SLC17A1: variants seen among roughly 807,000 people sequenced by gnomAD.
The protein encoded by SLC17A1 is solute carrier family 17 member 1.
In SLC17A1, 51 loss-of-function variants were observed where a neutral mutation model predicts 53.5. The observed-to-expected ratio is 0.95, with a 90% CI of 0.76 to 1.20. The LOEUF (loss-of-function observed/expected upper bound fraction) is 1.20, where lower values mean the gene tolerates loss of function less well. SLC17A1 is among the 50% of genes most tolerant of loss of function. The probability of loss-of-function intolerance (pLI) is 0.00; values close to 1 mark genes in which losing one functional copy is unlikely to be tolerated. For synonymous variants in SLC17A1, 179 were observed against 198.8 expected (o/e 0.90, Z 0.84); for missense variants, 538 against 568.2 (o/e 0.95, Z 0.54).
the SLC17A1 span, among the ~76,000 whole-genome samples, chr6:25,762,277 T>C: frequency 6.6e-6 from 1 of 152,186 alleles, no homozygotes; most frequent in Admixed American, 6.5e-5. Flanking sequence ...GCAGGTATCA[T>C]GACATTATTT....
the SLC17A1 span, chr6:25,731,983 T>C: frequency 2.5e-6 from 4 of 1,589,568 alleles, no homozygotes; most frequent in Non-Finnish European, 3.4e-6. Context: ...TTCATGATAC[T>C]CATGGCCTTG....
At chr6:25,803,206 G>C (rs1430298087) in intron 10 of SLC17A1, among the ~76,000 whole-genome samples, 1 of 151,960 alleles carries the variant, frequency 6.6e-6, no homozygotes, top group East Asian at 1.9e-4. Flanking sequence ...CAAAGTGCTG[G>C]GATTACAGGC....
At chr6:25,741,702 C>T in the SLC17A1 span, among the ~76,000 whole-genome samples, 1 of 151,566 alleles carries the variant, frequency 6.6e-6, no homozygotes, top group East Asian at 1.9e-4. Context: ...GGCGACAGAG[C>T]GAGACTCTGT....
intron 12 of SLC17A1, among the ~76,000 whole-genome samples, chr6:25,787,240 C>T (rs1331538480): frequency 1.3e-5 from 2 of 151,700 alleles, no homozygotes; most frequent in Admixed American, 1.3e-4. Context: ...GAAATTCCAG[C>T]ACTTTAGGAG....
At chr6:25,759,896 T>G in the SLC17A1 span, among the ~76,000 whole-genome samples, 1 of 152,228 alleles carries the variant, frequency 6.6e-6, no homozygotes, top group East Asian at 1.9e-4. Context: ...TATCTGCATT[T>G]AACTATGCAA....
chr6:25,773,301 C>T, the SLC17A1 span: 5 of 1,613,912 alleles, frequency 3.1e-6, no homozygotes, highest in Non-Finnish European at 4.2e-6. Context: ...TTGTTGTCCT[C>T]TCTGGTTTCC....
chr6:25,777,610 AAC>A, the SLC17A1 span: 1 of 225,228 alleles, frequency 4.4e-6, no homozygotes, highest in East Asian at 9.6e-5. Context: ...CAACAACAAA[AAC>A]CTTACAAACC....
chr6:25,787,022 C>T (rs1027974327), intron 12 of SLC17A1, among the ~76,000 whole-genome samples: 2 of 149,258 alleles, frequency 1.3e-5, no homozygotes, highest in Admixed American at 6.8e-5. Context: ...CTTTTTACTA[C>T]CTAAGAGGGC....
At chr6:25,788,080 A>G (rs2151474165) in intron 12 of SLC17A1, among the ~76,000 whole-genome samples, 2 of 152,300 alleles carry the variant, frequency 1.3e-5, no homozygotes, top group Middle Eastern at 6.8e-3. Flanking sequence ...CTTAACATAA[A>G]GAGCTTAAGT....
the SLC17A1 span, among the ~76,000 whole-genome samples, chr6:25,725,619 A>T: frequency 6.6e-6 from 1 of 151,750 alleles, no homozygotes; most frequent in Non-Finnish European, 1.5e-5. Flanking sequence ...AGTTTGAGAT[A>T]GTCTCGCTCA....
At chr6:25,779,124 A>G (rs750540966), downstream of SLC17A1, 3 of 1,613,792 alleles carry the variant, frequency 1.9e-6, no homozygotes, top group African/African-American at 4.0e-5. Context: ...CTGGTTTTCT[A>G]CCTCATCTTT....
chr6:25,815,389 A>T (rs1035303836), intron 6 of SLC17A1, among the ~76,000 whole-genome samples: 27 of 152,126 alleles, frequency 1.8e-4, no homozygotes, highest in Admixed American at 3.3e-4. Context: ...TAAAAAAAAA[A>T]GTTACAACCT....
chr6:25,739,026 C>T, the SLC17A1 span, among the ~76,000 whole-genome samples: 21 of 152,160 alleles, frequency 1.4e-4, no homozygotes, highest in Non-Finnish European at 2.9e-4. Flanking sequence ...AGTACTCCCA[C>T]TATGGAACAT....
chr6:25,777,120 C>T, the SLC17A1 span: 2 of 798,646 alleles, frequency 2.5e-6, no homozygotes, highest in Non-Finnish European at 3.8e-6. Context: ...GGAAGAGACT[C>T]AAAGCTGGTG....
chr6:25,741,912 G>A, the SLC17A1 span, among the ~76,000 whole-genome samples: 9 of 152,002 alleles, frequency 5.9e-5, no homozygotes, highest in Admixed American at 5.9e-4. Flanking sequence ...ATATCACATT[G>A]TTGAAGTATA....
chr6:25,826,785 G>T (rs1208102908), intron 2 of SLC17A1, 152 bp from the exon 3 acceptor site: 4 of 429,316 alleles, frequency 9.3e-6, no homozygotes, highest in Non-Finnish European at 8.1e-6. Context: ...TATATAATAA[G>T]AAGATGTGAG....
chr6:25,820,516 A>G (rs971394144), intron 3 of SLC17A1, among the ~76,000 whole-genome samples: 3 of 152,108 alleles, frequency 2.0e-5, no homozygotes, highest in Non-Finnish European at 4.4e-5. Context: ...GATGTGGCAT[A>G]TTTTTTCCAG....
chr6:25,825,134 T>C, intron 3 of SLC17A1, among the ~76,000 whole-genome samples: 1 of 151,966 alleles, frequency 6.6e-6, no homozygotes, highest in Non-Finnish European at 1.5e-5. Context: ...TTCTTGTAGA[T>C]AGAATATTTG....
chr6:25,830,840 C>A (rs1459787619), intron 1 of SLC17A1, among the ~76,000 whole-genome samples: 2 of 152,120 alleles, frequency 1.3e-5, no homozygotes, highest in Non-Finnish European at 2.9e-5. Context: ...AAACAAATAA[C>A]CCTGCCAATC....
Sources: allele counts gnomAD v4.1 joint callset (sites outside exome capture counted in the v4.1 genomes callset), GRCh38; gene constraint gnomAD v4.1.1; transcripts MANE v1.5; gene names NCBI Gene and HGNC (gene_info 2026-07-23, HGNC 2026-07-21).